The following ARHGAP18 variants were observed in gnomAD, a reference collection of about 807,000 sequenced individuals.
The protein encoded by ARHGAP18 is Rho GTPase activating protein 18, also known as rho GTPase-activating protein 18.
ARHGAP18 carries 67 observed loss-of-function variants against 86.2 expected under a neutral mutation model. The ratio of observed to expected loss-of-function variants is 0.78; its 90% CI spans 0.64 to 0.95. ARHGAP18 has a LOEUF of 0.95. Among genes scored for constraint, ARHGAP18 ranks in the 40% least tolerant of loss-of-function variants. ARHGAP18 has a pLI of 0.00. For missense variants in ARHGAP18, 691 were observed against 780.4 expected (o/e 0.89, Z 1.37); for synonymous variants, 283 against 280.4 (o/e 1.01, Z -0.09).
Position 129,710,023 on chromosome 6 carries a change from C to T in ARHGAP18, c.113+1G>A. ...TTTGTTTTCAGCTTCCGAAGGCTTA[C>T]CTCGAGGTGGCTTCCTCCCCTGCCT... On this transcript the variant is annotated splice_donor_variant, in intron 1 of 14. Transcript: ENST00000368149. LOFTEE classifies it high-confidence loss of function. 6.2e-7 allele frequency: 1 copy of T among 1,613,206 alleles called. No individual in the cohort carries two copies. The highest frequency in any genetic ancestry group is 8.5e-7 in the Non-Finnish European group (1 of 1,179,120).
intron 12 of ARHGAP18, among the ~76,000 whole-genome samples, chr6:129,585,877 C>G (rs1206586768): frequency 6.6e-6 from 1 of 152,192 alleles, no homozygotes; most frequent in Non-Finnish European, 1.5e-5. Flanking sequence ...CCCTCAATTC[C>G]TGCTTCATCT....
intron 7 of ARHGAP18, among the ~76,000 whole-genome samples, chr6:129,612,661 T>A (rs138151262): frequency 2.0e-5 from 3 of 152,192 alleles, no homozygotes; most frequent in African/African-American, 7.2e-5. Flanking sequence ...CATAAAAGTG[T>A]CTGTTAGGAG....
chr6:129,592,188 C>G (rs965416098), intron 12 of ARHGAP18, among the ~76,000 whole-genome samples: 1 of 152,116 alleles, frequency 6.6e-6, no homozygotes, highest in Admixed American at 6.6e-5. Context: ...ATATTGTAAT[C>G]TGATTTTCCA....
intron 10 of ARHGAP18, among the ~76,000 whole-genome samples, chr6:129,603,157 C>T (rs1203339700): frequency 6.6e-6 from 1 of 152,074 alleles, no homozygotes; most frequent in Non-Finnish European, 1.5e-5. Flanking sequence ...CCTACGCTTC[C>T]ACCGAGTTCC....
intron 6 of ARHGAP18, among the ~76,000 whole-genome samples, chr6:129,617,485 A>T (rs1789120843): frequency 6.6e-6 from 1 of 152,238 alleles, no homozygotes; most frequent in South Asian, 2.1e-4. Flanking sequence ...AATCTCAAGG[A>T]TGCCAAGGGT....
chr6:129,608,018 T>C lies in ARHGAP18; in HGVS notation c.1157A>G (p.Glu386Gly). Residue 386 changes from glutamate (E) to glycine (G), a missense_variant, in exon 9 of 15, where the codon GAA becomes GGA. Coordinates refer to ENST00000368149, the MANE Select transcript of ARHGAP18 (RefSeq NM_033515.3). ...LCQELEAKFY[E>G]GTFNWESVKQ... is the part of the protein sequence containing the mutation. The stretch of plus-strand genomic sequence containing the variant: ...GACACTTTCCCAATTAAAAGTCCCT[T>C]CATAAAACTTTGCTTCTAGTTCTTG... The C allele has an allele frequency of 6.5e-7, 1 of 1,545,740 alleles. No homozygotes were observed. The highest frequency in any genetic ancestry group is 8.8e-7 in the Non-Finnish European group (1 of 1,137,768).
chr6:129,685,671 A>G (rs1432924936), intron 1 of ARHGAP18, among the ~76,000 whole-genome samples: 1 of 152,242 alleles, frequency 6.6e-6, no homozygotes, highest in East Asian at 1.9e-4. Context: ...AATTCTATTC[A>G]GACTTAAATG....
intron 1 of ARHGAP18, among the ~76,000 whole-genome samples, chr6:129,697,251 C>T (rs1774633219): frequency 1.3e-5 from 2 of 152,216 alleles, no homozygotes; most frequent in African/African-American, 4.8e-5. Context: ...ACGACCCCAT[C>T]TTGCATGATA....
At chr6:129,633,769 T>C (rs1773266390) in intron 4 of ARHGAP18, among the ~76,000 whole-genome samples, 1 of 152,170 alleles carries the variant, frequency 6.6e-6, no homozygotes, top group South Asian at 2.1e-4. Context: ...GTGTATTAAA[T>C]GAGGTAAACA....
At chr6:129,641,646 G>A (rs1322661467) in intron 2 of ARHGAP18, among the ~76,000 whole-genome samples, 170 bp downstream of exon 2, 3 of 152,112 alleles carry the variant, frequency 2.0e-5, no homozygotes, top group Non-Finnish European at 4.4e-5. Flanking sequence ...ACTTGTATCT[G>A]GCAGTTGCAT....
chr6:129,658,522 T>C (rs963864648), intron 1 of ARHGAP18, among the ~76,000 whole-genome samples: 6 of 152,146 alleles, frequency 3.9e-5, no homozygotes, highest in African/African-American at 1.4e-4. Flanking sequence ...GTGTATAATT[T>C]TAAATCAGCA....
chr6:129,696,866 T>A (rs1274559775), intron 1 of ARHGAP18, among the ~76,000 whole-genome samples: 1 of 152,196 alleles, frequency 6.6e-6, no homozygotes, highest in Non-Finnish European at 1.5e-5. Flanking sequence ...GAATGACATC[T>A]GGGTAGCTTT....
chr6:129,703,513 G>A (rs1420182977), intron 1 of ARHGAP18, among the ~76,000 whole-genome samples: 1 of 152,230 alleles, frequency 6.6e-6, no homozygotes, highest in Non-Finnish European at 1.5e-5. Flanking sequence ...TGTGGGTGGG[G>A]ATGGTTCTGA....
rs536274689 is a variant in ARHGAP18 at position 129,627,586 on chromosome 6, G to A, written c.786+1767C>T. ...AAACTCTCCACAATTTAATAACCAC[G>A]TTTCTTTAATAAATTAATGAGGAGG... On this transcript the variant is annotated intron_variant, in intron 5 of 14. Coordinates refer to ENST00000368149, the MANE Select transcript of ARHGAP18 (RefSeq NM_033515.3). Among the ~76,000 whole-genome samples, 8 of 151,722 alleles carry A rather than the reference G, an allele frequency of 5.3e-5. No homozygotes were observed. In the South Asian group the frequency reaches 6.2e-4, roughly 12 times the overall value.
chr6:129,701,878 C>T (rs1774716699), intron 1 of ARHGAP18, among the ~76,000 whole-genome samples: 2 of 152,272 alleles, frequency 1.3e-5, no homozygotes, highest in East Asian at 1.9e-4. Flanking sequence ...GGGCATCCAT[C>T]AGGAGCCAAA....
At chr6:129,623,260 T>G (rs1361207481) in intron 5 of ARHGAP18, among the ~76,000 whole-genome samples, 1 of 152,188 alleles carries the variant, frequency 6.6e-6, no homozygotes, top group Non-Finnish European at 1.5e-5. Context: ...TAGTCATTAA[T>G]GTCAAGCCTC....
chr6:129,688,616 A>T (rs937798904), intron 1 of ARHGAP18, among the ~76,000 whole-genome samples: 1 of 152,164 alleles, frequency 6.6e-6, no homozygotes, highest in Non-Finnish European at 1.5e-5. Flanking sequence ...AACATGGTGA[A>T]ATTCTGTCTC....
intron 10 of ARHGAP18, among the ~76,000 whole-genome samples, chr6:129,605,625 A>G (rs139613209): frequency 6.6e-6 from 1 of 152,208 alleles, no homozygotes; most frequent in African/African-American, 2.4e-5. Flanking sequence ...TAACCGACGA[A>G]CCTCAATCGT....
intron 4 of ARHGAP18, among the ~76,000 whole-genome samples, chr6:129,633,072 C>T (rs1038287709): frequency 7.9e-5 from 12 of 152,034 alleles, no homozygotes; most frequent in African/African-American, 2.9e-4. Context: ...GAATATTTTC[C>T]CTTTCTGTAA....
Sources: gnomAD v4.1 joint callset for allele counts (sites outside exome capture counted in the v4.1 genomes callset) on GRCh38, gnomAD v4.1.1 for gene constraint, MANE v1.5 for transcripts, NCBI Gene and HGNC (gene_info 2026-07-23, HGNC 2026-07-21) for gene names.